The following TRRAP variants were observed in gnomAD, a reference collection of about 807,000 sequenced individuals.
TRRAP encodes transformation/transcription domain associated protein.
A neutral mutation model predicts 438.8 loss-of-function variants in TRRAP; 41 were observed. That is an observed-to-expected ratio of 0.09 (90% confidence interval 0.07 to 0.12). The LOEUF is 0.12. Among genes scored for constraint, TRRAP ranks in the 10% least tolerant of loss-of-function variants. The pLI is 1.00. For missense variants in TRRAP, 3,122 were observed against 5,055.1 expected (o/e 0.62, Z 11.60); for synonymous variants, 1,994 against 1,962.9 (o/e 1.02, Z -0.42).
At chr7:98,897,676 G>GTTT (rs10642390) in intron 7 of TRRAP, 65 bp from the exon 8 acceptor site, 96,529 of 1,092,684 alleles carry the variant, frequency 0.088, 146 homozygotes, top group East Asian at 0.14. Flanking sequence ...GTTTTGTTTT[G>GTTT]TTTTGTTTTT....
intron 67 of TRRAP, chr7:98,998,484 G>A (rs219832): frequency 0.17 from 29,360 of 169,894 alleles, 6,586 homozygotes; most frequent in African/African-American, 0.55. Flanking sequence ...TGTACTTGAC[G>A]AAAGATTAGG....
intron 26 of TRRAP, among the ~76,000 whole-genome samples, 155 bp from the exon 27 acceptor site, chr7:98,933,086 C>T (rs1460496234): frequency 3.3e-5 from 5 of 151,732 alleles, no homozygotes; most frequent in African/African-American, 4.8e-5. Flanking sequence ...TGCCTCTCCA[C>T]GACCGAGGTT....
At chr7:98,979,233 A>T (rs996955630) in intron 58 of TRRAP, among the ~76,000 whole-genome samples, 2 of 152,238 alleles carry the variant, frequency 1.3e-5, no homozygotes, top group Non-Finnish European at 2.9e-5. Flanking sequence ...CCAGTCATTT[A>T]TATCAGTAAA....
At chr7:99,008,656 GC>G in intron 70 of TRRAP, 95 bp downstream of exon 70, 1 of 1,363,302 alleles carries the variant, frequency 7.3e-7, no homozygotes, top group Non-Finnish European at 9.9e-7. Context: ...AGATGAACAG[GC>G]ATTTGTTGGG....
At chr7:99,000,892 G>A (rs752208338) in intron 67 of TRRAP, among the ~76,000 whole-genome samples, 1 of 152,224 alleles carries the variant, frequency 6.6e-6, no homozygotes, top group Non-Finnish European at 1.5e-5. Flanking sequence ...CCCAGAGTGT[G>A]GTCCCTACCA....
intron 18 of TRRAP, 46 bp from the exon 19 acceptor site, chr7:98,915,677 C>A (rs1859662): frequency 1.9e-6 from 3 of 1,594,804 alleles, no homozygotes; most frequent in Non-Finnish European, 2.6e-6. Flanking sequence ...GGGTATAGAC[C>A]CTCCTCATTT....
In TRRAP at chr7:99,011,098, G is replaced by T; in HGVS notation, c.10985G>T (p.Arg3662Leu). 6.2e-7 allele frequency: 1 copy of T among 1,614,120 alleles called. No individual in the cohort carries two copies. ...GAGGTTCAGAGTAACATGGTGCCGCGCAGCATGCTCAAGGAGTGGGCGCTG... is the reference window on the plus strand; with the variant it reads ...GAGGTTCAGAGTAACATGGTGCCGCTCAGCATGCTCAAGGAGTGGGCGCTG... Reference protein sequence around the residue: ...LKEVQSNMVPRSMLKEWALHT... With the variant: ...LKEVQSNMVPLSMLKEWALHT... Residue 3662 changes from arginine to leucine, a missense_variant, in exon 71 of 73, where the codon CGC becomes CTC. Coordinates refer to ENST00000456197, the MANE Select transcript of TRRAP (RefSeq NM_001375524.1). The surrounding 1 kb of genome is among the most constrained non-coding windows in gnomAD (Gnocchi z 7.1).
At position 99,005,206 on chromosome 7, in the gene TRRAP, C is replaced by G. The variant is rs779329930; in HGVS notation, c.10611C>G (p.Gly3537=). Residue 3537 remains glycine (G), a synonymous_variant, in exon 69 of 73, where the codon GGC becomes GGG. Coordinates refer to ENST00000456197, the MANE Select transcript of TRRAP (RefSeq NM_001375524.1). This position sits in a 1 kb window ranked among gnomAD's most constrained non-coding sequence, Gnocchi z 5.1. ...ARRLYIRGHN[G]KIYPYLVMND... is the part of the protein sequence containing the mutation. Reference sequence around the variant, plus strand: ...GGCTGTACATCCGGGGACACAATGGCAAGATCTACCCATACCTCGTCATGA... The same window carrying G: ...GGCTGTACATCCGGGGACACAATGGGAAGATCTACCCATACCTCGTCATGA... 6.2e-7 allele frequency: 1 copy of G among 1,614,126 alleles called. No individual in the cohort carries two copies. Among genetic ancestry groups the G allele is most frequent in the East Asian group, 2.2e-5 (1 of 44,882 alleles).
chr7:98,976,484 C>T lies in TRRAP; in HGVS notation c.7961C>T (p.Ala2654Val). Residue 2654 changes from alanine to valine, a missense_variant and splice_region_variant, in exon 55 of 73, where the codon GCA becomes GTA. Ala to Val is a moderately conservative substitution (Grantham distance 64). Around this residue, in one of 24 missense-constraint regions of TRRAP, gnomAD observed 992 missense variants for 1,281.2 expected, o/e 0.77. Transcript: ENST00000456197. This position sits in a 1 kb window ranked among gnomAD's most constrained non-coding sequence, Gnocchi z 4.6. Reference protein sequence around the residue: ...WKILSDRQQHALAGEISPFLC... With the variant: ...WKILSDRQQHVLAGEISPFLC... ...AAATGACATGTGCTTTGGTTTCAGG[C>T]ACTCGCGGGTGAGATAAGTCCATTT... 6.2e-7 allele frequency: 1 copy of T among 1,606,236 alleles called. No homozygotes were observed.
chr7:98,961,472 C>G lies in TRRAP; in HGVS notation c.6701C>G (p.Pro2234Arg), dbSNP rs570799473. 1 of 1,613,934 alleles carries G rather than the reference C, an allele frequency of 6.2e-7. No individual in the cohort carries two copies. The highest frequency in any genetic ancestry group is 1.1e-5 in the South Asian group (1 of 91,074). The change falls in exon 46 of 73, where the codon CCG (proline) becomes CGG (arginine). Residue 2234 changes from proline to arginine, a missense_variant and splice_region_variant. Coordinates refer to ENST00000456197, the MANE Select transcript of TRRAP (RefSeq NM_001375524.1). ...SRLMSIFPTE[P>R]STSSVASKYE... ...CTGATGAGCATTTTCCCAACAGAGC[C>G]GAGTATGTGACCTTTCCCACCGGTG... is the stretch of plus-strand genomic sequence containing the variant.
chr7:98,953,500 G>A, intron 40 of TRRAP, 67 bp downstream of exon 40: 3 of 1,576,880 alleles, frequency 1.9e-6, no homozygotes, highest in Non-Finnish European at 1.7e-6. Context: ...TTGGCTCCCT[G>A]GTGCAGTCTC....
intron 3 of TRRAP, among the ~76,000 whole-genome samples, chr7:98,889,210 C>T (rs1028327946): frequency 1.6e-4 from 24 of 151,954 alleles, no homozygotes; most frequent in Non-Finnish European, 1.2e-4. Flanking sequence ...ATCCTCTTTC[C>T]TTATCTGTGA....
chr7:98,959,737 A>G (rs1320392374), intron 45 of TRRAP, among the ~76,000 whole-genome samples: 1 of 152,112 alleles, frequency 6.6e-6, no homozygotes, highest in African/African-American at 2.4e-5. Context: ...CAGTCTGGGC[A>G]GCATAGTGAG....
Position 98,900,766 on chromosome 7 carries a change from T to C in TRRAP, c.897+46T>C, listed in dbSNP as rs1554406541. On this transcript the variant is annotated intron_variant, in intron 11 of 72. Coordinates refer to ENST00000456197, the MANE Select transcript of TRRAP (RefSeq NM_001375524.1). ...GTCAGGTTTATTGAGATAGTTTACA[T>C]ACAATAAAATTCACCTTTTGTGGGT... The C allele has an allele frequency of 2.0e-6, 3 of 1,517,128 alleles. No individual in the cohort carries two copies. In the South Asian group the frequency reaches 3.5e-5, roughly 18 times the overall value. 94.0% of individuals were successfully genotyped at this position (1,517,128 alleles called of 1,614,324 possible).
At chr7:98,878,833 G>A (rs1439064909) in intron 1 of TRRAP, among the ~76,000 whole-genome samples, 196 bp downstream of exon 1, 1 of 152,150 alleles carries the variant, frequency 6.6e-6, no homozygotes, top group East Asian at 1.9e-4. Context: ...CTGAGAGGAA[G>A]CTGTGGGAGG....
intron 6 of TRRAP, among the ~76,000 whole-genome samples, chr7:98,894,445 T>A (rs1796105040): frequency 6.6e-6 from 1 of 152,178 alleles, no homozygotes; most frequent in Non-Finnish European, 1.5e-5. Flanking sequence ...TAAGTGCCTG[T>A]TATAGATGAT....
intron 44 of TRRAP, among the ~76,000 whole-genome samples, chr7:98,959,061 T>A (rs1791759782): frequency 6.6e-6 from 1 of 152,062 alleles, no homozygotes; most frequent in Non-Finnish European, 1.5e-5. Context: ...ATTCCTTGCC[T>A]CCCTGCAGTG....
chr7:98,981,562 G>T (rs1011957238), intron 58 of TRRAP, among the ~76,000 whole-genome samples: 1 of 152,150 alleles, frequency 6.6e-6, no homozygotes, highest in Non-Finnish European at 1.5e-5. Context: ...GAGATTGGCC[G>T]CTCACTGGAA....
intron 49 of TRRAP, among the ~76,000 whole-genome samples, chr7:98,966,506 G>A (rs1792165664): frequency 6.6e-6 from 1 of 152,052 alleles, no homozygotes; most frequent in African/African-American, 2.4e-5. Context: ...CCAACATGGT[G>A]AAACCCCGTC....
Sources: gnomAD v4.1 joint callset for allele counts (sites outside exome capture counted in the v4.1 genomes callset) on GRCh38, gnomAD v4.1.1 for gene constraint, gnomAD v4.1.1 regional missense constraint, Gnocchi (gnomAD v3.1) non-coding constraint, MANE v1.5 for transcripts, NCBI Gene and HGNC (gene_info 2026-07-23, HGNC 2026-07-21) for gene names.